The following SLC14A2 variants were observed in gnomAD, a reference collection of about 807,000 sequenced individuals.
SLC14A2 encodes the protein solute carrier family 14 member 2.
A neutral mutation model predicts 104.6 loss-of-function variants in SLC14A2; 91 were observed. The observed-to-expected ratio is 0.87, with a 90% CI of 0.73 to 1.04. SLC14A2 has a LOEUF of 1.04. SLC14A2 is among the 50% of genes least tolerant of loss of function. The pLI, the probability that SLC14A2 is intolerant of heterozygous loss-of-function variation, is 0.00. For synonymous variants in SLC14A2, 476 were observed against 466.4 expected (o/e 1.02, Z -0.27); for missense variants, 1,189 against 1,156.0 (o/e 1.03, Z -0.41).
rs2046032870 is a variant in SLC14A2, at chr18:45,666,820, T to C, written c.1558-115T>C. On this transcript the variant is annotated intron_variant, in intron 12 of 19. Coordinates refer to ENST00000255226, the MANE Select transcript of SLC14A2 (RefSeq NM_007163.4). ...CAGAAACAGGGAGGTTAAACAGCAA[T>C]TTAATGAAATACCAAATGACAATCT... 3 of 871,980 alleles carry C rather than the reference T, an allele frequency of 3.4e-6. No individual in the cohort carries two copies. The East Asian group carries it at 7.4e-5, about 21-fold the overall frequency. The allele number at this position is 871,980 out of a possible 1,614,324, so 54.0% of individuals were successfully genotyped here. A position where few individuals can be genotyped will look rare whatever the true frequency, so the allele number is the denominator to read the frequency against.
At chr18:45,675,848 T>G (rs2046222541) in intron 18 of SLC14A2, among the ~76,000 whole-genome samples, 1 of 151,512 alleles carries the variant, frequency 6.6e-6, no homozygotes, top group Non-Finnish European at 1.5e-5. Flanking sequence ...TGAGGCCATC[T>G]AGAAAACCTG....
the SLC14A2 span, among the ~76,000 whole-genome samples, chr18:45,202,293 C>G: frequency 6.6e-6 from 1 of 151,938 alleles, no homozygotes; most frequent in African/African-American, 2.4e-5. Flanking sequence ...TTTCCAAAGG[C>G]AAGGAATAGA....
chr18:45,442,552 G>T (rs999960412), intron 1 of SLC14A2, among the ~76,000 whole-genome samples: 2 of 152,026 alleles, frequency 1.3e-5, no homozygotes, highest in Admixed American at 1.3e-4. Context: ...TAAGACACAG[G>T]TTATGTTGGA....
intron 2 of SLC14A2, among the ~76,000 whole-genome samples, chr18:45,570,181 C>T (rs16978408): frequency 0.058 from 8,803 of 152,228 alleles, 278 homozygotes; most frequent in African/African-American, 0.068. Context: ...ACACAGCCCT[C>T]TATCCTCATT....
At chr18:45,450,680 A>G (rs1322671976) in intron 1 of SLC14A2, among the ~76,000 whole-genome samples, 1 of 152,202 alleles carries the variant, frequency 6.6e-6, no homozygotes, top group Non-Finnish European at 1.5e-5. Context: ...CCATATCTGC[A>G]AGGTTACACT....
intron 2 of SLC14A2, among the ~76,000 whole-genome samples, chr18:45,488,569 C>G (rs942352320): frequency 1.3e-5 from 2 of 152,186 alleles, no homozygotes; most frequent in African/African-American, 4.8e-5. Context: ...TTCTGTGTTA[C>G]AGTAAGCAGG....
intron 1 of SLC14A2, among the ~76,000 whole-genome samples, chr18:45,466,938 C>G (rs551281999): frequency 2.0e-5 from 3 of 151,940 alleles, no homozygotes; most frequent in Non-Finnish European, 4.4e-5. Flanking sequence ...ACCCTTCTCC[C>G]GCGGAGCTCT....
chr18:45,326,432 T>G (rs1173157504), intron 1 of SLC14A2, among the ~76,000 whole-genome samples: 1 of 152,168 alleles, frequency 6.6e-6, no homozygotes, highest in Non-Finnish European at 1.5e-5. Flanking sequence ...ATCTAAAATG[T>G]ATAGGAAAGC....
chr18:45,467,673 C>A (rs898116939), intron 1 of SLC14A2, among the ~76,000 whole-genome samples: 1 of 152,164 alleles, frequency 6.6e-6, no homozygotes, highest in Non-Finnish European at 1.5e-5. Context: ...ACTCATTTTA[C>A]CTAATGGACA....
chr18:45,425,091 T>C (rs2086405722), intron 1 of SLC14A2, among the ~76,000 whole-genome samples: 1 of 152,226 alleles, frequency 6.6e-6, no homozygotes, highest in African/African-American at 2.4e-5. Flanking sequence ...GTGTCTTGAC[T>C]GCACATCCAG....
intron 1 of SLC14A2, among the ~76,000 whole-genome samples, chr18:45,449,810 G>T (rs1223215163): frequency 6.6e-6 from 1 of 152,156 alleles, no homozygotes; most frequent in African/African-American, 2.4e-5. Flanking sequence ...AAACGTGTGG[G>T]CTTATAAACT....
chr18:45,186,204 T>C, the SLC14A2 span, among the ~76,000 whole-genome samples: 1 of 152,200 alleles, frequency 6.6e-6, no homozygotes, highest in Non-Finnish European at 1.5e-5. Flanking sequence ...AATAACATTA[T>C]GTGATTTCAA....
chr18:45,287,659 C>T (rs2084828058), intron 1 of SLC14A2, among the ~76,000 whole-genome samples: 1 of 152,246 alleles, frequency 6.6e-6, no homozygotes, highest in Non-Finnish European at 1.5e-5. Flanking sequence ...CATTCTGCCC[C>T]ATCCTCCTGC....
chr18:45,594,853 C>T (rs1424348805), intron 2 of SLC14A2, among the ~76,000 whole-genome samples: 2 of 152,166 alleles, frequency 1.3e-5, no homozygotes, highest in Admixed American at 6.5e-5. Flanking sequence ...CCTGGCTCCA[C>T]CACCCCCAGC....
chr18:45,454,041 G>A (rs2086900999), intron 1 of SLC14A2, among the ~76,000 whole-genome samples: 1 of 151,776 alleles, frequency 6.6e-6, no homozygotes, highest in Admixed American at 6.6e-5. Flanking sequence ...TGTATTTTTA[G>A]TAGAGACAGG....
At chr18:45,356,054 T>A (rs555423783) in intron 1 of SLC14A2, among the ~76,000 whole-genome samples, 1 of 152,170 alleles carries the variant, frequency 6.6e-6, no homozygotes, top group African/African-American at 2.4e-5. Flanking sequence ...GCTTTTGTGA[T>A]AGCTTTGATG....
intron 1 of SLC14A2, among the ~76,000 whole-genome samples, chr18:45,452,846 G>A (rs1441344657): frequency 6.6e-6 from 1 of 152,220 alleles, no homozygotes. Context: ...TGAAAGTGGT[G>A]TTTGAGGCAT....
At chr18:45,384,912 C>G (rs1351280060) in intron 1 of SLC14A2, among the ~76,000 whole-genome samples, 1 of 152,226 alleles carries the variant, frequency 6.6e-6, no homozygotes, top group Non-Finnish European at 1.5e-5. Flanking sequence ...GCAAACCATA[C>G]ACAGCTTTCC....
At chr18:45,178,101 T>C in the SLC14A2 span, among the ~76,000 whole-genome samples, 76,518 of 151,966 alleles carry the variant, frequency 0.5, 19,679 homozygotes, top group Non-Finnish European at 0.57. Context: ...TCAGGGGTAA[T>C]CAGAAGATTG....
Sources: gnomAD v4.1 joint callset for allele counts (sites outside exome capture counted in the v4.1 genomes callset) on GRCh38, gnomAD v4.1.1 for gene constraint, MANE v1.5 for transcripts, NCBI Gene and HGNC (gene_info 2026-07-23, HGNC 2026-07-21) for gene names.